The following PTPRD variants were observed in gnomAD, a reference collection of about 807,000 sequenced individuals.
PTPRD encodes the protein protein tyrosine phosphatase receptor type D, also known as receptor-type tyrosine-protein phosphatase delta.
Under a neutral mutation model 214.5 loss-of-function variants are expected in PTPRD, and 34 were observed. That is an observed-to-expected ratio of 0.16 (90% CI 0.12 to 0.21). PTPRD has a LOEUF of 0.21. PTPRD is among the 10% of genes least tolerant of loss of function. The probability of loss-of-function intolerance (pLI) is 1.00; values close to 1 mark genes in which losing one functional copy is unlikely to be tolerated. For missense variants in PTPRD, 2,545 were observed against 2,398.7 expected (o/e 1.06, Z -1.27); for synonymous variants, 1,128 against 845.7 (o/e 1.33, Z -5.79).
intron 2 of PTPRD, among the ~76,000 whole-genome samples, chr9:10,548,239 T>C (rs1259653626): frequency 6.6e-6 from 1 of 152,176 alleles, no homozygotes; most frequent in Non-Finnish European, 1.5e-5. Flanking sequence ...CGGAATGAGC[T>C]TTCCTTTTAA....
chr9:9,029,732 G>A (rs1366894842), intron 10 of PTPRD, among the ~76,000 whole-genome samples: 1 of 151,870 alleles, frequency 6.6e-6, no homozygotes, highest in Non-Finnish European at 1.5e-5. Flanking sequence ...AGCTGAGGAT[G>A]ATTCATCTCT....
chr9:9,951,069 C>T (rs564166092), intron 4 of PTPRD, among the ~76,000 whole-genome samples: 4 of 152,042 alleles, frequency 2.6e-5, no homozygotes, highest in African/African-American at 7.3e-5. Flanking sequence ...CATGTAAATG[C>T]GTCATAAGTA....
chr9:9,370,442 G>A (rs910476761), intron 9 of PTPRD, among the ~76,000 whole-genome samples: 2 of 151,142 alleles, frequency 1.3e-5, no homozygotes, highest in African/African-American at 2.5e-5. Flanking sequence ...GAAGGCTTGT[G>A]ATTTTTGCAC....
chr9:8,361,536 C>T (rs771624852), intron 39 of PTPRD, among the ~76,000 whole-genome samples: 11 of 152,056 alleles, frequency 7.2e-5, no homozygotes, highest in African/African-American at 2.4e-4. Context: ...AACCTGGAGT[C>T]GAGAAAGCAG....
chr9:10,574,920 A>G (rs984684907), intron 2 of PTPRD, among the ~76,000 whole-genome samples: 2 of 151,704 alleles, frequency 1.3e-5, no homozygotes, highest in Non-Finnish European at 2.9e-5. Flanking sequence ...GAATTTAAGA[A>G]GACTTTCTAA....
chr9:9,908,788 T>A (rs1004593346), intron 5 of PTPRD, among the ~76,000 whole-genome samples: 1 of 152,006 alleles, frequency 6.6e-6, no homozygotes, highest in African/African-American at 2.4e-5. Context: ...ATGAAACTTA[T>A]CTTTGGGAAG....
intron 2 of PTPRD, among the ~76,000 whole-genome samples, chr9:10,521,139 C>T (rs888681795): frequency 6.6e-6 from 1 of 151,856 alleles, no homozygotes; most frequent in African/African-American, 2.4e-5. Context: ...ATTCTAGATG[C>T]CATTAAGAAC....
chr9:9,924,706 G>C (rs1203840693), intron 5 of PTPRD, among the ~76,000 whole-genome samples: 1 of 152,020 alleles, frequency 6.6e-6, no homozygotes, highest in Non-Finnish European at 1.5e-5. Flanking sequence ...AAAGAGCCTA[G>C]ATGTTCTTAT....
At chr9:10,417,916 G>GT (rs545791714) in intron 2 of PTPRD, among the ~76,000 whole-genome samples, 264 of 146,640 alleles carry the variant, frequency 1.8e-3, no homozygotes, top group African/African-American at 5.2e-3. Context: ...AATCTAGATG[G>GT]TTTTTTTTTT....
chr9:8,970,390 G>A (rs919100265), intron 11 of PTPRD, among the ~76,000 whole-genome samples: 4 of 151,710 alleles, frequency 2.6e-5, no homozygotes, highest in Admixed American at 2.6e-4. Flanking sequence ...AAAGAAACTT[G>A]GTCTTGACTT....
intron 2 of PTPRD, among the ~76,000 whole-genome samples, chr9:10,429,666 A>G (rs1342608934): frequency 1.3e-5 from 2 of 151,628 alleles, no homozygotes; most frequent in East Asian, 2.0e-4. Flanking sequence ...ATATATAGAT[A>G]TATATTCTAT....
chr9:9,013,914 A>ATCT (rs2154364047), intron 11 of PTPRD, among the ~76,000 whole-genome samples: 1 of 152,178 alleles, frequency 6.6e-6, no homozygotes, highest in African/African-American at 2.4e-5. Context: ...GATAAAATGG[A>ATCT]TCTTTTGTTG....
intron 11 of PTPRD, among the ~76,000 whole-genome samples, chr9:8,742,246 T>C (rs1246761535): frequency 6.6e-6 from 1 of 152,196 alleles, no homozygotes; most frequent in Non-Finnish European, 1.5e-5. Context: ...AATTGATATA[T>C]AAAACTGTAT....
chr9:9,315,224 C>G (rs766074498), intron 9 of PTPRD, among the ~76,000 whole-genome samples: 1 of 151,790 alleles, frequency 6.6e-6, no homozygotes, highest in Non-Finnish European at 1.5e-5. Flanking sequence ...TATATAACTC[C>G]CAAAACTTTT....
chr9:9,241,979 G>C (rs1489294652), intron 9 of PTPRD, among the ~76,000 whole-genome samples: 1 of 152,010 alleles, frequency 6.6e-6, no homozygotes, highest in Non-Finnish European at 1.5e-5. Flanking sequence ...GCAGTGGCTG[G>C]TACCGGTTGT....
intron 10 of PTPRD, among the ~76,000 whole-genome samples, chr9:9,117,735 C>T (rs747350180): frequency 6.6e-6 from 1 of 151,446 alleles, no homozygotes; most frequent in South Asian, 2.1e-4. Context: ...GTTAATATGC[C>T]AAGAAAAAAA....
At chr9:10,004,921 G>T (rs2096438247) in intron 4 of PTPRD, among the ~76,000 whole-genome samples, 1 of 152,020 alleles carries the variant, frequency 6.6e-6, no homozygotes, top group Admixed American at 6.6e-5. Flanking sequence ...TTTCCAAGTT[G>T]GTGTTTTCTA....
chr9:8,322,765 T>A (rs1021599844), intron 44 of PTPRD, among the ~76,000 whole-genome samples: 2 of 152,272 alleles, frequency 1.3e-5, no homozygotes, highest in African/African-American at 4.8e-5. Flanking sequence ...TAGACAAACA[T>A]CATTATATTG....
intron 35 of PTPRD, among the ~76,000 whole-genome samples, chr9:8,432,149 C>T (rs985890040): frequency 6.6e-6 from 1 of 152,220 alleles, no homozygotes; most frequent in South Asian, 2.1e-4. Flanking sequence ...ATTCACCAGC[C>T]TAATATATGG....
Sources: gnomAD v4.1 joint callset for allele counts (sites outside exome capture counted in the v4.1 genomes callset) on GRCh38, gnomAD v4.1.1 for gene constraint, MANE v1.5 for transcripts, NCBI Gene and HGNC (gene_info 2026-07-23, HGNC 2026-07-21) for gene names.